CNTN6: variants seen among roughly 807,000 people sequenced by gnomAD.
The protein encoded by CNTN6 is contactin-6.
In CNTN6, 137 loss-of-function variants were observed where a neutral mutation model predicts 122.8. The observed-to-expected ratio is 1.12, with a 90% confidence interval of 0.97 to 1.29. CNTN6 has a LOEUF of 1.29. CNTN6 is among the 50% of genes most tolerant of loss of function. CNTN6 has a pLI of 0.00. For missense variants in CNTN6, 1,634 were observed against 1,223.4 expected (o/e 1.34, Z -5.01); for synonymous variants, 570 against 426.0 (o/e 1.34, Z -4.16).
chr3:1,248,376 C>T (rs2094610331), intron 4 of CNTN6, among the ~76,000 whole-genome samples: 1 of 152,108 alleles, frequency 6.6e-6, no homozygotes, highest in Non-Finnish European at 1.5e-5. Flanking sequence ...TTGTATCTTC[C>T]TCAAAGTAAG....
Position 1,352,338 on chromosome 3 carries a change from A to T in CNTN6, c.1379A>T (p.Glu460Val). ...LRQSKRIFLL[E>V]DGSLKIYNIT... ...TTTCTTTTTAGAATATTTCTCTTGGAGGATGGCAGCCTCAAGATATATAAT... is the reference window on the plus strand; with the variant it reads ...TTTCTTTTTAGAATATTTCTCTTGGTGGATGGCAGCCTCAAGATATATAAT... The change falls in exon 12 of 23, where the codon GAG becomes GTG. Residue 460 changes from glutamate (E) to valine (V), a missense_variant. Physicochemically the swap from Glu to Val is moderately radical, Grantham distance 121 (BLOSUM62 -2). Coordinates refer to ENST00000446702, the MANE Select transcript of CNTN6 (RefSeq NM_001289080.2). 1 of 1,529,780 alleles carries T rather than the reference A, an allele frequency of 6.5e-7. No homozygotes were observed. The highest frequency in any genetic ancestry group is 8.8e-7 in the Non-Finnish European group (1 of 1,130,548). The allele number at this position is 1,529,780 out of a possible 1,614,324, so 94.8% of individuals were successfully genotyped here.
intron 5 of CNTN6, among the ~76,000 whole-genome samples, chr3:1,280,405 T>TATTTAACTTA (rs1221646794): frequency 2.0e-5 from 3 of 149,924 alleles, no homozygotes; most frequent in Non-Finnish European, 4.4e-5. Flanking sequence ...ATTAAGACCT[T>TATTTAACTTA]TGTAACTGAA....
In CNTN6 at chr3:1,177,078, A is replaced by C. The variant is rs368121430; in HGVS notation, c.55+29015A>C. ...GTTTAATCTTAATCTAATCCTGAGGAAACAATCACAAAGTTCCAACTGGGA... is the reference window on the plus strand; with the variant it reads ...GTTTAATCTTAATCTAATCCTGAGGCAACAATCACAAAGTTCCAACTGGGA... On this transcript the variant is annotated intron_variant, in intron 2 of 22. Coordinates refer to ENST00000446702, the MANE Select transcript of CNTN6 (RefSeq NM_001289080.2). Among the ~76,000 whole-genome samples the C allele has an allele frequency of 3.3e-5, 5 of 152,334 alleles. No individual in the cohort carries two copies. In the East Asian group the frequency reaches 7.7e-4, roughly 24 times the overall value.
At chr3:1,363,396 C>G (rs1223185209) in intron 12 of CNTN6, among the ~76,000 whole-genome samples, 1 of 151,880 alleles carries the variant, frequency 6.6e-6, no homozygotes, top group Non-Finnish European at 1.5e-5. Flanking sequence ...TAACTTTGTA[C>G]CTTTGACCAG....
chr3:1,135,008 G>A (rs967247384), intron 1 of CNTN6, among the ~76,000 whole-genome samples: 1 of 152,092 alleles, frequency 6.6e-6, no homozygotes, highest in African/African-American at 2.4e-5. Flanking sequence ...GCTGAGGAAT[G>A]AGGTTGGACC....
At chr3:1,297,543 T>A (rs74972601) in intron 6 of CNTN6, among the ~76,000 whole-genome samples, 2,115 of 152,246 alleles carry the variant, frequency 0.014, 63 homozygotes, top group African/African-American at 0.048. Context: ...CCTTTATATG[T>A]TCTGCTGCAG....
intron 4 of CNTN6, among the ~76,000 whole-genome samples, chr3:1,239,196 G>T (rs969452027): frequency 6.6e-6 from 1 of 152,108 alleles, no homozygotes; most frequent in East Asian, 1.9e-4. Context: ...AAGAAATAAA[G>T]CGTGTCCAAA....
chr3:1,360,360 A>T (rs994408325), intron 12 of CNTN6, among the ~76,000 whole-genome samples: 2 of 152,102 alleles, frequency 1.3e-5, no homozygotes, highest in Non-Finnish European at 2.9e-5. Context: ...ATCAACTATT[A>T]CACTGGGCAT....
chr3:1,240,508 A>G (rs2094469070), intron 4 of CNTN6, among the ~76,000 whole-genome samples: 1 of 152,128 alleles, frequency 6.6e-6, no homozygotes, highest in South Asian at 2.1e-4. Context: ...GCCATAATCA[A>G]AAACTCAAAA....
chr3:1,135,381 G>T (rs1186932365), intron 1 of CNTN6, among the ~76,000 whole-genome samples: 4 of 152,108 alleles, frequency 2.6e-5, no homozygotes, highest in Admixed American at 2.0e-4. Flanking sequence ...GAAGGCAAAA[G>T]GTCCAATTGT....
intron 2 of CNTN6, among the ~76,000 whole-genome samples, chr3:1,217,882 T>C (rs985602007): frequency 1.3e-5 from 2 of 152,238 alleles, no homozygotes; most frequent in Non-Finnish European, 2.9e-5. Flanking sequence ...AGAAATATTT[T>C]GGTTTCTTTC....
At chr3:1,283,720 C>T (rs1022219278) in intron 5 of CNTN6, among the ~76,000 whole-genome samples, 7 of 152,152 alleles carry the variant, frequency 4.6e-5, no homozygotes, top group African/African-American at 1.2e-4. Flanking sequence ...AAACTCTCGG[C>T]GGGGCTCAGT....
At chr3:1,366,236 G>A (rs537081250) in intron 12 of CNTN6, among the ~76,000 whole-genome samples, 9 of 152,276 alleles carry the variant, frequency 5.9e-5, no homozygotes, top group Admixed American at 3.3e-4. Context: ...AAATGAAAGC[G>A]AATAAGTAAC....
chr3:1,115,593 C>A (rs1230337074), intron 1 of CNTN6, among the ~76,000 whole-genome samples: 2 of 150,632 alleles, frequency 1.3e-5, no homozygotes, highest in African/African-American at 4.9e-5. Context: ...ACTAAAAATC[C>A]AAAAAAAAAT....
intron 1 of CNTN6, among the ~76,000 whole-genome samples, chr3:1,135,598 A>G (rs1183776859): frequency 6.6e-6 from 1 of 152,040 alleles, no homozygotes; most frequent in South Asian, 2.1e-4. Context: ...ATACACACAC[A>G]CATACATAAA....
At chr3:1,160,141 A>G (rs2125239719) in intron 2 of CNTN6, among the ~76,000 whole-genome samples, 1 of 151,976 alleles carries the variant, frequency 6.6e-6, no homozygotes, top group Admixed American at 6.6e-5. Context: ...TTTAATTTTT[A>G]TTAAAATCCA....
At position 1,277,612 on chromosome 3, in the gene CNTN6, C is replaced by T. The variant is rs544469019; in HGVS notation, c.359-801C>T. 9.9e-5 allele frequency among the ~76,000 whole-genome samples: 15 copies of T among 152,208 alleles called. No homozygotes were observed. The South Asian group carries it at 3.1e-3, about 32-fold the overall frequency. On this transcript the variant is annotated intron_variant, in intron 4 of 22. Transcript: ENST00000446702. The stretch of plus-strand genomic sequence containing the variant: ...CTGGCCACAAGCAACTTGCCTGACT[C>T]AGCCTCCCAAAGTGCTGGGATTACA...
intron 11 of CNTN6, among the ~76,000 whole-genome samples, chr3:1,347,983 A>T (rs1704996431): frequency 6.6e-6 from 1 of 151,918 alleles, no homozygotes; most frequent in African/African-American, 2.4e-5. Flanking sequence ...TTTATTCCTC[A>T]TGGAGTTATA....
intron 7 of CNTN6, among the ~76,000 whole-genome samples, chr3:1,308,204 A>G (rs1010310364): frequency 2.6e-5 from 4 of 151,112 alleles, no homozygotes; most frequent in South Asian, 4.2e-4. Flanking sequence ...TTGCTGCTCA[A>G]ATTGTTTTAG....
Sources: gnomAD v4.1 joint callset for allele counts (sites outside exome capture counted in the v4.1 genomes callset) on GRCh38, gnomAD v4.1.1 for gene constraint, MANE v1.5 for transcripts, NCBI Gene and HGNC (gene_info 2026-07-23, HGNC 2026-07-21) for gene names.